The following TSC2 variants were observed in gnomAD, a reference collection of about 807,000 sequenced individuals.
TSC2 encodes tuberin.
Under a neutral mutation model 202.2 loss-of-function variants are expected in TSC2, and 29 were observed. The ratio of observed to expected loss-of-function variants is 0.14; its 90% CI spans 0.11 to 0.20. TSC2 has a LOEUF of 0.20. Ranked by LOEUF, TSC2 falls within the 10% of genes least tolerant of loss-of-function variation. The pLI, the probability that TSC2 is intolerant of heterozygous loss-of-function variation, is 1.00. For synonymous variants in TSC2, 1,349 were observed against 1,044.0 expected (o/e 1.29, Z -5.63); for missense variants, 2,429 against 2,420.0 (o/e 1.00, Z -0.08).
At chr16:2,055,894 A>G in intron 6 of TSC2, 1 of 425,904 alleles carries the variant, frequency 2.3e-6, no homozygotes. Context: ...CCATCTCAAA[A>G]AAAAAAAAAA....
intron 36 of TSC2, among the ~76,000 whole-genome samples, chr16:2,085,778 A>C (rs531009672): frequency 6.6e-6 from 1 of 152,334 alleles, no homozygotes; most frequent in East Asian, 1.9e-4. Flanking sequence ...CTGCACCTTC[A>C]TCCCAAGGGA....
At position 2,048,872 on chromosome 16, in the gene TSC2, G is replaced by A. The variant is rs1272766640; in HGVS notation, c.138+119G>A. On this transcript the variant is annotated intron_variant, in intron 2 of 41. Coordinates refer to ENST00000219476, the MANE Select transcript of TSC2 (RefSeq NM_000548.5). Reference sequence around the variant, plus strand: ...TGGCAACTGTCTACACAGGAATGCTGTCTCCAGTACTTGGAGGCCGACATG... The same window carrying A: ...TGGCAACTGTCTACACAGGAATGCTATCTCCAGTACTTGGAGGCCGACATG... The A allele has an allele frequency of 3.5e-6, 5 of 1,436,840 alleles. No homozygotes were observed. In the East Asian group the frequency reaches 1.1e-4, roughly 33 times the overall value. The allele number at this position is 1,436,840 out of a possible 1,614,324, so 89.0% of individuals were successfully genotyped here.
At position 2,067,927 on chromosome 16, in the gene TSC2, A is replaced by G. The variant is rs539513575; in HGVS notation, c.1716+2292A>G. 2.6e-5 allele frequency among the ~76,000 whole-genome samples: 4 copies of G among 152,314 alleles called. No homozygotes were observed. In the East Asian group the frequency reaches 7.7e-4, roughly 29 times the overall value. ...CCTTTCTGCTTCTGCAGAGGGAAGGAAAGAGGTTCTGTTGCCCTTACTTGG... is the reference window on the plus strand; with the variant it reads ...CCTTTCTGCTTCTGCAGAGGGAAGGGAAGAGGTTCTGTTGCCCTTACTTGG... On this transcript the variant is annotated intron_variant, in intron 16 of 41. Transcript: ENST00000219476.
intron 11 of TSC2, 161 bp downstream of exon 11, chr16:2,060,974 C>G: frequency 1.1e-6 from 1 of 916,500 alleles, no homozygotes; most frequent in Non-Finnish European, 1.6e-6. Context: ...CACCTTCCAC[C>G]GGAGACAGGT....
chr16:2,048,130 C>T lies in TSC2; in HGVS notation c.-30+65C>T, dbSNP rs2084580049. Reference sequence around the variant, plus strand: ...GGGGCAGCGGCCTAGAGAGGCGGACCCCGCAGTGTCCGGGTCCCGGGCCCT... The same window carrying T: ...GGGGCAGCGGCCTAGAGAGGCGGACTCCGCAGTGTCCGGGTCCCGGGCCCT... On this transcript the variant is annotated intron_variant, in intron 1 of 41. Transcript: ENST00000219476. 9.9e-6 allele frequency: 15 copies of T among 1,509,562 alleles called. No individual in the cohort carries two copies. The South Asian group carries it at 1.1e-4, about 11-fold the overall frequency. 93.5% of individuals were successfully genotyped at this position (1,509,562 alleles called of 1,614,324 possible).
intron 6 of TSC2, 94 bp downstream of exon 6, chr16:2,055,613 C>A: frequency 8.0e-7 from 1 of 1,251,556 alleles, no homozygotes; most frequent in Non-Finnish European, 1.2e-6. Flanking sequence ...AGAGGTTGGG[C>A]TGGGCACAAT....
At chr16:2,048,824 A>C (rs987776410) in intron 2 of TSC2, 71 bp downstream of exon 2, 2 of 1,607,812 alleles carry the variant, frequency 1.2e-6, no homozygotes, top group African/African-American at 1.3e-5. Flanking sequence ...GTCTTGCACC[A>C]GGTTCTGTGG....
chr16:2,054,915 T>C, intron 5 of TSC2: 1 of 328,174 alleles, frequency 3.0e-6, no homozygotes, highest in African/African-American at 2.1e-5. Flanking sequence ...TGACTCTGGC[T>C]TTGCTGTTCT....
intron 32 of TSC2, chr16:2,083,031 C>G (rs376632065): frequency 1.8e-4 from 82 of 444,920 alleles, no homozygotes; most frequent in African/African-American, 1.5e-3. Flanking sequence ...CAGGTCTCCA[C>G]GTGCAGACGA....
At chr16:2,069,475 A>C (rs1391564288) in intron 16 of TSC2, among the ~76,000 whole-genome samples, 1 of 144,694 alleles carries the variant, frequency 6.9e-6, no homozygotes. Flanking sequence ...GCACCACCAC[A>C]CCTGGCTAAT....
rs1199000508 is a variant in TSC2 at position 2,087,961 on chromosome 16, T to C, written c.5068+20T>C. Reference sequence around the variant, plus strand: ...GGAAAGGTAGGGCCGGGTGGGGCCCTGCAGTGCAGGAAAGGTAGGGCCGGG... The same window carrying C: ...GGAAAGGTAGGGCCGGGTGGGGCCCCGCAGTGCAGGAAAGGTAGGGCCGGG... On this transcript the variant is annotated intron_variant, in intron 39 of 41. Coordinates refer to ENST00000219476, the MANE Select transcript of TSC2 (RefSeq NM_000548.5). The C allele has an allele frequency of 6.2e-7, 1 of 1,612,270 alleles. No individual in the cohort carries two copies. The highest frequency in any genetic ancestry group is 1.7e-5 in the Admixed American group (1 of 59,984).
At chr16:2,055,890 C>CAA (rs373314420) in intron 6 of TSC2, 9,083 of 257,880 alleles carry the variant, frequency 0.035, 1 homozygote, top group Middle Eastern at 0.047. Flanking sequence ...AACTCCATCT[C>CAA]AAAAAAAAAA....
chr16:2,065,202 A>C, intron 15 of TSC2: 1 of 320,676 alleles, frequency 3.1e-6, no homozygotes, highest in Middle Eastern at 1.1e-3. Context: ...TCATGAGGTC[A>C]GGAGATCAAG....
At chr16:2,058,632 C>A (rs576941381) in intron 9 of TSC2, 115 bp from the exon 10 acceptor site, 115 of 1,488,156 alleles carry the variant, frequency 7.7e-5, no homozygotes, top group African/African-American at 4.2e-4. Flanking sequence ...TCCTGCCCCC[C>A]CCAAGCACAG....
chr16:2,072,082 G>T (rs2088515612), intron 19 of TSC2, 148 bp downstream of exon 19: 2 of 1,495,628 alleles, frequency 1.3e-6, no homozygotes, highest in Non-Finnish European at 1.8e-6. Context: ...CCGAGCAGCT[G>T]CAGGGACAGA....
intron 21 of TSC2, among the ~76,000 whole-genome samples, chr16:2,073,743 G>A (rs549915361): frequency 3.9e-4 from 59 of 152,356 alleles, no homozygotes; most frequent in African/African-American, 1.3e-3. Flanking sequence ...CAGTGTATCC[G>A]AGGGGTGAGG....
chr16:2,082,397 C>T lies in TSC2; in HGVS notation c.3815-39C>T, dbSNP rs377376415. ...TCTGCTCGACCTGTGTGTAGCCCCTCCTCCTGCTGACGTGGCCGCACACGG... is the reference window on the plus strand; with the variant it reads ...TCTGCTCGACCTGTGTGTAGCCCCTTCTCCTGCTGACGTGGCCGCACACGG... On this transcript the variant is annotated intron_variant, in intron 31 of 41. Coordinates refer to ENST00000219476, the MANE Select transcript of TSC2 (RefSeq NM_000548.5). 9.6e-5 allele frequency: 155 copies of T among 1,608,200 alleles called. 1 individual carries two copies. The highest frequency in any genetic ancestry group is 1.3e-4 in the Non-Finnish European group (150 of 1,176,418).
At position 2,084,376 on chromosome 16, in the gene TSC2, C is replaced by T. The variant is rs762859177; in HGVS notation, c.4154C>T (p.Ser1385Phe). The change falls in exon 34 of 42, where the codon TCC becomes TTC. Residue 1385 changes from serine (S) to phenylalanine (F), a missense_variant. Ser to Phe is a radical substitution (Grantham distance 155). Transcript: ENST00000219476. ...CAGCCCTCGCAGCCCCTGAGCAAGTCCAGCTCCTCTCCCGAGCTGCAGACT... is the reference window on the plus strand; with the variant it reads ...CAGCCCTCGCAGCCCCTGAGCAAGTTCAGCTCCTCTCCCGAGCTGCAGACT... The part of the protein sequence containing the change: ...SFQPSQPLSK[S>F]SSSPELQTLQ... 1 of 1,612,520 alleles carries T rather than the reference C, an allele frequency of 6.2e-7. No individual in the cohort carries two copies. The highest frequency in any genetic ancestry group is 1.7e-5 in the Admixed American group (1 of 60,012).
At chr16:2,055,094 T>A (rs1241958134) in intron 5 of TSC2, 2 of 450,330 alleles carry the variant, frequency 4.4e-6, no homozygotes, top group Admixed American at 6.8e-5. Flanking sequence ...AGTCTGGTGA[T>A]GTCGGCGTCT....
Sources: gnomAD v4.1 joint callset for allele counts (sites outside exome capture counted in the v4.1 genomes callset) on GRCh38, gnomAD v4.1.1 for gene constraint, MANE v1.5 for transcripts, NCBI Gene and HGNC (gene_info 2026-07-23, HGNC 2026-07-21) for gene names.